Variants in AQR observed in about 807,000 individuals in gnomAD.
The protein encoded by AQR is RNA helicase aquarius.
Under a neutral mutation model 180.5 loss-of-function variants are expected in AQR, and 61 were observed. The observed-to-expected ratio is 0.34, with a 90% CI of 0.28 to 0.42. AQR has a LOEUF of 0.42. Ranked by LOEUF, AQR falls within the 10% of genes least tolerant of loss-of-function variation. AQR has a pLI of 1.00. For synonymous variants in AQR, 551 were observed against 588.8 expected (o/e 0.94, Z 0.93); for missense variants, 1,281 against 1,798.3 (o/e 0.71, Z 5.20).
rs746834702 is a variant in AQR, at chr15:34,906,653, T to C, written c.1723A>G (p.Thr575Ala). 1.9e-6 allele frequency: 3 copies of C among 1,614,124 alleles called. No homozygotes were observed. The highest frequency in any genetic ancestry group is 4.5e-5 in the East Asian group (2 of 44,878). ...ITVRPTKPYG[T>A]KFDRRRPFIE... ...AAAGGTCTCCTCCGGTCAAACTTAG[T>C]GCCATAAGGTTTTGTGGGACGTACG... The change falls in exon 18 of 35, where the codon ACT becomes GCT. Residue 575 changes from threonine (T) to alanine (A), a missense_variant. Thr to Ala is a moderately conservative substitution (Grantham distance 58). Transcript: ENST00000156471.
chr15:34,960,461 C>A (rs1038420383), intron 3 of AQR, among the ~76,000 whole-genome samples: 9 of 152,022 alleles, frequency 5.9e-5, no homozygotes, highest in African/African-American at 1.9e-4. Context: ...ACTTTCATAA[C>A]TTTTTAAGAA....
Position 34,881,918 on chromosome 15 carries a change from G to T in AQR, c.3165+584C>A, listed in dbSNP as rs1445682324. On this transcript the variant is annotated intron_variant, in intron 27 of 34. Coordinates refer to ENST00000156471, the MANE Select transcript of AQR (RefSeq NM_014691.3). ...CCTCCTGAGTTCAAGTGATTCTCCT[G>T]CCTCAGCCTCCCAAGGAGCTGGGAT... 2.0e-5 allele frequency among the ~76,000 whole-genome samples: 3 copies of T among 152,074 alleles called. No individual in the cohort carries two copies. The East Asian group carries it at 5.8e-4, about 29-fold the overall frequency.
In AQR at chr15:34,860,108, G is replaced by C; in HGVS notation, c.4077C>G (p.Pro1359=). ...TGTTGTATACAAAGTTTGCCATCTGGGGCATATTTTTTATTATTTGTACTT... is the reference window on the plus strand; with the variant it reads ...TGTTGTATACAAAGTTTGCCATCTGCGGCATATTTTTTATTATTTGTACTT... ...SHEVQIIKNM[P]QMANFVYNMY... is the part of the protein sequence containing the mutation. The change falls in exon 34 of 35, where the codon CCC becomes CCG. Residue 1359 remains proline (P), a synonymous_variant. Coordinates refer to ENST00000156471, the MANE Select transcript of AQR (RefSeq NM_014691.3). The C allele has an allele frequency of 1.3e-6, 2 of 1,523,064 alleles. No individual in the cohort carries two copies. Among genetic ancestry groups the C allele is most frequent in the East Asian group, 4.7e-5 (2 of 42,690 alleles). 94.3% of individuals were successfully genotyped at this position (1,523,064 alleles called of 1,614,324 possible). A position where few individuals can be genotyped will look rare whatever the true frequency, so the allele number is the denominator to read the frequency against.
intron 34 of AQR, 84 bp downstream of exon 34, chr15:34,859,958 A>C (rs1461607960): frequency 1.6e-5 from 9 of 571,090 alleles, no homozygotes; most frequent in Non-Finnish European, 2.5e-5. Flanking sequence ...CCCACAAGGA[A>C]TTAGGTACTT....
intron 17 of AQR, among the ~76,000 whole-genome samples, chr15:34,909,287 A>T (rs1595793954): frequency 6.6e-6 from 1 of 152,250 alleles, no homozygotes; most frequent in African/African-American, 2.4e-5. Flanking sequence ...GACCTCTCAC[A>T]GGACAGCTGG....
chr15:34,894,784 T>C (rs1893206163), intron 22 of AQR, among the ~76,000 whole-genome samples: 1 of 152,128 alleles, frequency 6.6e-6, no homozygotes, highest in Non-Finnish European at 1.5e-5. Flanking sequence ...GACATAATAC[T>C]GATTGTAAGT....
chr15:34,941,250 T>C (rs1356498538), intron 7 of AQR, among the ~76,000 whole-genome samples: 1 of 152,214 alleles, frequency 6.6e-6, no homozygotes, highest in Non-Finnish European at 1.5e-5. Context: ...TAATTTTTTA[T>C]TTCAAAACTT....
intron 26 of AQR, 118 bp downstream of exon 26, chr15:34,884,407 A>AAAAAAAACC (rs1288041904): frequency 1.0e-6 from 1 of 995,048 alleles, no homozygotes; most frequent in Non-Finnish European, 1.4e-6. Context: ...CTCCGTCTCA[A>AAAAAAAACC]AAAAAAACAA....
In AQR at chr15:34,941,083, T is replaced by A. The variant is rs565305603; in HGVS notation, c.541-84A>T. 9 of 918,072 alleles carry A rather than the reference T, an allele frequency of 9.8e-6. No homozygotes were observed. In the South Asian group the frequency reaches 1.5e-4, roughly 15 times the overall value. The allele number at this position is 918,072 out of a possible 1,614,324, so 56.9% of individuals were successfully genotyped here. On this transcript the variant is annotated intron_variant, in intron 7 of 34. Transcript: ENST00000156471. ...TTAGATCAACTATTTGCTAGTTTTCTAATATATGAGTACAAAATAGAGCAA... is the reference window on the plus strand; with the variant it reads ...TTAGATCAACTATTTGCTAGTTTTCAAATATATGAGTACAAAATAGAGCAA...
intron 10 of AQR, among the ~76,000 whole-genome samples, chr15:34,934,337 A>G (rs1279119078): frequency 6.7e-6 from 1 of 148,342 alleles, no homozygotes; most frequent in Non-Finnish European, 1.5e-5. Context: ...TATATAATAC[A>G]TATGTATATA....
At chr15:34,967,888 A>C (rs1162384722) in intron 1 of AQR, among the ~76,000 whole-genome samples, 2 of 151,930 alleles carry the variant, frequency 1.3e-5, no homozygotes, top group Non-Finnish European at 2.9e-5. Flanking sequence ...ATCTTGGCTC[A>C]TTGCAACCTC....
chr15:34,953,167 C>G (rs1894258574), intron 3 of AQR, among the ~76,000 whole-genome samples: 1 of 152,156 alleles, frequency 6.6e-6, no homozygotes, highest in African/African-American at 2.4e-5. Context: ...GGACACATAT[C>G]TATATTGCAA....
chr15:34,861,618 C>T (rs1892672275), intron 33 of AQR, among the ~76,000 whole-genome samples: 3 of 152,180 alleles, frequency 2.0e-5, no homozygotes, highest in African/African-American at 4.8e-5. Flanking sequence ...GACACCTAGG[C>T]TCTGTCCCAG....
At chr15:34,859,809 A>G (rs1892643579) in intron 34 of AQR, among the ~76,000 whole-genome samples, 1 of 152,166 alleles carries the variant, frequency 6.6e-6, no homozygotes, top group Non-Finnish European at 1.5e-5. Context: ...TCACAGGTAA[A>G]TACCTATGCC....
chr15:34,935,834 GGAGCAATTTTTAA>G (rs1454400520), intron 9 of AQR, among the ~76,000 whole-genome samples: 8 of 152,176 alleles, frequency 5.3e-5, no homozygotes, highest in African/African-American at 1.9e-4. Flanking sequence ...ACAATTTAAA[GGAGCAATTTTTAA>G]ATTAAATCCA....
chr15:34,869,777 A>G (rs1314227883), intron 31 of AQR: 2 of 151,974 alleles, frequency 1.3e-5, no homozygotes, highest in Non-Finnish European at 2.9e-5. Context: ...CTTACATTTC[A>G]TCTCTTTCTG....
At chr15:34,911,838 T>C (rs1893504418) in intron 16 of AQR, among the ~76,000 whole-genome samples, 1 of 152,146 alleles carries the variant, frequency 6.6e-6, no homozygotes, top group African/African-American at 2.4e-5. Context: ...CTCCATGCTT[T>C]TGGTATCACC....
At chr15:34,958,005 G>A (rs533650533) in intron 3 of AQR, among the ~76,000 whole-genome samples, 3 of 151,814 alleles carry the variant, frequency 2.0e-5, no homozygotes, top group African/African-American at 2.4e-5. Flanking sequence ...TCGGGAGATC[G>A]AGACCATCCT....
Position 34,886,636 on chromosome 15 carries a change from C to G in AQR, c.2707G>C (p.Ala903Pro). The G allele has an allele frequency of 6.2e-7, 1 of 1,613,416 alleles. No individual in the cohort carries two copies. Among genetic ancestry groups the G allele is most frequent in the Non-Finnish European group, 8.5e-7 (1 of 1,179,838 alleles). ...TCTTCTAAAAGTTCTATTCTTCGAGCCAGAACATAATTAACTCTTCCATAC... is the reference window on the plus strand; with the variant it reads ...TCTTCTAAAAGTTCTATTCTTCGAGGCAGAACATAATTAACTCTTCCATAC... ...SRYGRVNYVL[A>P]RRIELLEEVK... Residue 903 changes from alanine (A) to proline (P), a missense_variant, in exon 25 of 35, where the codon GCT becomes CCT. This residue lies in a region of AQR where 125 missense variants were observed against 185.0 expected (regional missense o/e 0.68). Transcript: ENST00000156471.
Sources: gnomAD v4.1 joint callset for allele counts (sites outside exome capture counted in the v4.1 genomes callset) on GRCh38, gnomAD v4.1.1 for gene constraint, gnomAD v4.1.1 regional missense constraint, MANE v1.5 for transcripts, NCBI Gene and HGNC (gene_info 2026-07-23, HGNC 2026-07-21) for gene names.